Variants in DLG2 observed in about 807,000 individuals in gnomAD.
DLG2 encodes the protein discs large MAGUK scaffold protein 2.
DLG2 carries 45 observed loss-of-function variants against 132.5 expected under a neutral mutation model. The observed-to-expected ratio is 0.34, with a 90% confidence interval of 0.27 to 0.44. The LOEUF (loss-of-function observed/expected upper bound fraction) is 0.44. Ranked by LOEUF, DLG2 falls within the 20% of genes least tolerant of loss-of-function variation. The pLI, the probability that DLG2 is intolerant of heterozygous loss-of-function variation, is 1.00. For synonymous variants in DLG2, 424 were observed against 419.6 expected (o/e 1.01, Z -0.13); for missense variants, 1,045 against 1,196.9 (o/e 0.87, Z 1.87).
chr11:84,331,864 T>G (rs1392004087), intron 7 of DLG2, among the ~76,000 whole-genome samples: 4 of 152,170 alleles, frequency 2.6e-5, no homozygotes, highest in Non-Finnish European at 2.9e-5. Context: ...AATTGCAAAC[T>G]ACCTGTGAAT....
chr11:83,626,617 CTGTAA>C (rs2062575610), intron 19 of DLG2, among the ~76,000 whole-genome samples: 2 of 152,008 alleles, frequency 1.3e-5, no homozygotes, highest in Admixed American at 6.6e-5. Context: ...CTTAGAACTA[CTGTAA>C]AAGAAATAAG....
At chr11:84,789,950 T>C (rs938763062) in intron 6 of DLG2, among the ~76,000 whole-genome samples, 2 of 152,204 alleles carry the variant, frequency 1.3e-5, no homozygotes, top group Non-Finnish European at 2.9e-5. Flanking sequence ...TACTCCATTG[T>C]GTATATGTAC....
At chr11:83,682,384 A>G in intron 18 of DLG2, 2 of 985,406 alleles carry the variant, frequency 2.0e-6, no homozygotes, top group African/African-American at 3.5e-5. Context: ...ATTCTCGCTC[A>G]CTGGGTACAT....
At chr11:84,207,440 G>C (rs1010479188) in intron 8 of DLG2, among the ~76,000 whole-genome samples, 1 of 152,024 alleles carries the variant, frequency 6.6e-6, no homozygotes, top group Admixed American at 6.5e-5. Flanking sequence ...GCATATGCTA[G>C]ACATATAAAT....
At chr11:83,515,830 G>T (rs915108902) in intron 21 of DLG2, among the ~76,000 whole-genome samples, 1 of 152,160 alleles carries the variant, frequency 6.6e-6, no homozygotes, top group African/African-American at 2.4e-5. Context: ...GTAGTTGAGC[G>T]ATTTTTGAGT....
At chr11:84,718,625 C>T (rs541154559) in intron 6 of DLG2, among the ~76,000 whole-genome samples, 2 of 152,258 alleles carry the variant, frequency 1.3e-5, no homozygotes, top group African/African-American at 2.4e-5. Flanking sequence ...AAATAATTCA[C>T]CTTTGTTAAA....
intron 8 of DLG2, among the ~76,000 whole-genome samples, chr11:84,214,459 CTGAGTA>C (rs1480135615): frequency 6.6e-6 from 1 of 151,186 alleles, no homozygotes; most frequent in Non-Finnish European, 1.5e-5. Flanking sequence ...ACATATATGT[CTGAGTA>C]TATCTATATG....
chr11:84,505,468 T>C (rs938127678), intron 7 of DLG2, among the ~76,000 whole-genome samples: 1 of 152,132 alleles, frequency 6.6e-6, no homozygotes, highest in Non-Finnish European at 1.5e-5. Context: ...TAAAAATCAC[T>C]GCAAGTATTG....
intron 5 of DLG2, among the ~76,000 whole-genome samples, chr11:85,123,380 A>G (rs2074678387): frequency 6.6e-6 from 1 of 152,148 alleles, no homozygotes; most frequent in South Asian, 2.1e-4. Flanking sequence ...TCTATTGTAG[A>G]AATCCAGGTA....
chr11:85,465,028 T>G (rs931621969), intron 3 of DLG2, among the ~76,000 whole-genome samples: 2 of 120,928 alleles, frequency 1.7e-5, no homozygotes, highest in African/African-American at 6.5e-5. Flanking sequence ...GAGCCAAGAT[T>G]GTGCCACTGT....
rs1229301394 is a variant in DLG2, at chr11:84,079,822, T to C, written c.749+19101A>G. 2.6e-5 allele frequency among the ~76,000 whole-genome samples: 4 copies of C among 152,168 alleles called. No individual in the cohort carries two copies. In the East Asian group the frequency reaches 7.7e-4, roughly 29 times the overall value. ...ACCTTCACCTTGTGCCAGTCTGCACTCTCCCACCACCTCCAGTCACCTTCC... is the reference window on the plus strand; with the variant it reads ...ACCTTCACCTTGTGCCAGTCTGCACCCTCCCACCACCTCCAGTCACCTTCC... On this transcript the variant is annotated intron_variant, in intron 10 of 27. Coordinates refer to ENST00000376104, the MANE Select transcript of DLG2 (RefSeq NM_001142699.3).
At chr11:85,324,531 C>T (rs954170) in intron 3 of DLG2, among the ~76,000 whole-genome samples, 333 of 152,224 alleles carry the variant, frequency 2.2e-3, no homozygotes, top group Non-Finnish European at 3.4e-3. Context: ...ATTAAACTTT[C>T]GGAGCATCAT....
chr11:83,914,246 A>T (rs74326092), intron 15 of DLG2, among the ~76,000 whole-genome samples: 2,770 of 152,144 alleles, frequency 0.018, 91 homozygotes, highest in African/African-American at 0.063. Context: ...ATCTGGCTGT[A>T]AAAAACAATC....
intron 6 of DLG2, among the ~76,000 whole-genome samples, chr11:84,846,561 A>C (rs1323215194): frequency 1.3e-5 from 2 of 152,108 alleles, no homozygotes; most frequent in Non-Finnish European, 2.9e-5. Context: ...GTCACCCTCC[A>C]ATCCATTCTC....
intron 11 of DLG2, among the ~76,000 whole-genome samples, chr11:84,040,650 A>G (rs2154105253): frequency 6.6e-6 from 1 of 151,298 alleles, no homozygotes; most frequent in South Asian, 2.1e-4. Flanking sequence ...GAAGTCAGGT[A>G]GTGTGATGCC....
intron 19 of DLG2, among the ~76,000 whole-genome samples, chr11:83,575,291 G>A (rs2096856750): frequency 6.6e-6 from 1 of 152,160 alleles, no homozygotes; most frequent in Admixed American, 6.6e-5. Context: ...GGAAACAAAT[G>A]AGGTAACTGC....
intron 7 of DLG2, among the ~76,000 whole-genome samples, chr11:84,378,643 A>G (rs2098738440): frequency 6.6e-6 from 1 of 151,928 alleles, no homozygotes; most frequent in African/African-American, 2.4e-5. Context: ...CCAATATAAG[A>G]GTTCAGGCCA....
intron 6 of DLG2, among the ~76,000 whole-genome samples, chr11:84,616,602 G>C (rs1443576230): frequency 1.3e-5 from 2 of 152,038 alleles, no homozygotes; most frequent in Non-Finnish European, 2.9e-5. Flanking sequence ...TTTTAAATCA[G>C]AAAACCCACA....
chr11:85,483,909 G>C (rs924107022), intron 3 of DLG2, among the ~76,000 whole-genome samples: 1 of 141,982 alleles, frequency 7.0e-6, no homozygotes. Flanking sequence ...AAAAAAAAAA[G>C]AATAATAATA....
Sources: allele counts gnomAD v4.1 joint callset (sites outside exome capture counted in the v4.1 genomes callset), GRCh38; gene constraint gnomAD v4.1.1; transcripts MANE v1.5; gene names NCBI Gene and HGNC (gene_info 2026-07-23, HGNC 2026-07-21).